The following GRM4 variants were observed in gnomAD, a reference collection of about 807,000 sequenced individuals.
GRM4 encodes metabotropic glutamate receptor 4.
GRM4 carries 28 observed loss-of-function variants against 81.7 expected under a neutral mutation model. The ratio of observed to expected loss-of-function variants is 0.34; its 90% CI spans 0.25 to 0.47. The LOEUF (loss-of-function observed/expected upper bound fraction) is 0.47. Ranked by LOEUF, GRM4 falls within the 20% of genes least tolerant of loss-of-function variation. The probability of loss-of-function intolerance (pLI) is 1.00; values close to 1 mark genes in which losing one functional copy is unlikely to be tolerated. For missense variants in GRM4, 948 were observed against 1,290.0 expected, an observed-to-expected ratio of 0.73 and a Z score of 4.06; for synonymous variants, 488 against 528.8, an observed-to-expected ratio of 0.92 and a Z score of 1.06.
chr6:34,077,299 A>G (rs34766111), intron 3 of GRM4, among the ~76,000 whole-genome samples: 1 of 151,990 alleles, frequency 6.6e-6, no homozygotes, highest in Non-Finnish European at 1.5e-5. Flanking sequence ...GCTCTCACAC[A>G]TTCTGCCCAG....
chr6:34,104,863 T>A (rs1449729591), intron 2 of GRM4, among the ~76,000 whole-genome samples: 4 of 151,866 alleles, frequency 2.6e-5, no homozygotes, highest in Non-Finnish European at 4.4e-5. Context: ...GGGAGTAACA[T>A]CCAAAAGCCC....
chr6:34,024,686 T>C, intron 10 of GRM4: 1 of 455,816 alleles, frequency 2.2e-6, no homozygotes, highest in South Asian at 1.5e-5. Flanking sequence ...TGGCCAGAGT[T>C]GGGTGGAGTC....
At chr6:34,117,555 T>C (rs1341510408) in intron 2 of GRM4, among the ~76,000 whole-genome samples, 2 of 152,164 alleles carry the variant, frequency 1.3e-5, no homozygotes, top group African/African-American at 4.8e-5. Flanking sequence ...TTCCGGGGTT[T>C]AGGGGGCTTT....
At position 34,137,561 on chromosome 6, in the gene GRM4, C is replaced by A. The variant is rs576737788; in HGVS notation, c.-363-3702G>T. On this transcript the variant is annotated intron_variant, in intron 1 of 10. Transcript: ENST00000538487. ...TTGTGCAGGAACTCCAGGAACCTGC[C>A]TTGTGGCCACTTCTAAGTCCCTTTT... Among the ~76,000 whole-genome samples the A allele has an allele frequency of 1.3e-4, 20 of 150,398 alleles. 1 individual carries two copies. The South Asian group carries it at 3.8e-3, about 29-fold the overall frequency.
rs1157540193 is a variant in GRM4 at position 34,114,596 on chromosome 6, C to A, written c.519+18382G>T. Among the ~76,000 whole-genome samples the A allele has an allele frequency of 6.6e-6, 1 of 152,104 alleles. No homozygotes were observed. The highest frequency in any genetic ancestry group is 6.5e-5 in the Admixed American group (1 of 15,280). ...CCTCTCCACTCACCCTCTGCCCAAC[C>A]CTCCTGCATGCCACATCCCTGTCAC... On this transcript the variant is annotated intron_variant, in intron 2 of 10. Transcript: ENST00000538487. This position sits in a 1 kb window ranked among gnomAD's most constrained non-coding sequence, Gnocchi z 4.3.
At chr6:34,045,237 A>G (rs9469691) in intron 6 of GRM4, among the ~76,000 whole-genome samples, 39,735 of 152,148 alleles carry the variant, frequency 0.26, 6,124 homozygotes, top group African/African-American at 0.43. Flanking sequence ...AGCTGCAACT[A>G]TGCCTGTGAC....
At chr6:34,085,756 A>G (rs772793718) in intron 3 of GRM4, among the ~76,000 whole-genome samples, 3 of 152,232 alleles carry the variant, frequency 2.0e-5, no homozygotes, top group Non-Finnish European at 4.4e-5. Flanking sequence ...ATATACAAAC[A>G]AATAAAAATG....
intron 1 of GRM4, among the ~76,000 whole-genome samples, chr6:34,144,584 C>T (rs1172057697): frequency 6.6e-6 from 1 of 152,170 alleles, no homozygotes; most frequent in Non-Finnish European, 1.5e-5. Flanking sequence ...CTGGCGAAGG[C>T]GGCGCTGGGG....
At chr6:34,058,196 G>A (rs1251972752) in intron 5 of GRM4, among the ~76,000 whole-genome samples, 1 of 152,134 alleles carries the variant, frequency 6.6e-6, no homozygotes, top group Non-Finnish European at 1.5e-5. Context: ...GGCAGGTTTG[G>A]ATGACATGGT....
Position 34,115,763 on chromosome 6 carries a change from C to A in GRM4, c.519+17215G>T, listed in dbSNP as rs1044497222. On this transcript the variant is annotated intron_variant, in intron 2 of 10. Transcript: ENST00000538487. This position sits in a 1 kb window ranked among gnomAD's most constrained non-coding sequence, Gnocchi z 4.1. ...CTGGAGGAGGAGTTCGAGGTTCTCA[C>A]CCCAGCTCTTCAGGCTCCAGGAGAA... Among the ~76,000 whole-genome samples the A allele has an allele frequency of 1.3e-5, 2 of 152,146 alleles. No individual in the cohort carries two copies. Among genetic ancestry groups the A allele is most frequent in the Admixed American group, 6.5e-5 (1 of 15,274 alleles).
intron 6 of GRM4, among the ~76,000 whole-genome samples, chr6:34,053,285 C>T (rs896902068): frequency 1.3e-5 from 2 of 152,234 alleles, no homozygotes; most frequent in Non-Finnish European, 2.9e-5. Context: ...GCTCCCAGCT[C>T]TCTGTGGGTG....
chr6:34,122,372 G>A (rs2451338), intron 2 of GRM4, among the ~76,000 whole-genome samples: 6,939 of 152,036 alleles, frequency 0.046, 385 homozygotes, highest in African/African-American at 0.13. Flanking sequence ...ACTGTGTTCC[G>A]GCTCCCCTCC....
chr6:34,063,793 C>A (rs963597363), intron 3 of GRM4, among the ~76,000 whole-genome samples: 1 of 152,178 alleles, frequency 6.6e-6, no homozygotes, highest in African/African-American at 2.4e-5. Context: ...CATATGGTTT[C>A]TTTCCACTTA....
chr6:34,064,633 G>A lies in GRM4; in HGVS notation c.737-2605C>T, dbSNP rs887603457. On this transcript the variant is annotated intron_variant, in intron 3 of 10. Coordinates refer to ENST00000538487, the MANE Select transcript of GRM4 (RefSeq NM_000841.4). This position sits in a 1 kb window ranked among gnomAD's most constrained non-coding sequence, Gnocchi z 4.4. The stretch of plus-strand genomic sequence containing the variant: ...TCACAGCCCTATTGTCAGCATGTCC[G>A]CTCAGGGGAGTGGGTAAAGGAACTG... 3.3e-5 allele frequency among the ~76,000 whole-genome samples: 5 copies of A among 152,174 alleles called. No individual in the cohort carries two copies. Among genetic ancestry groups the A allele is most frequent in the Non-Finnish European group, 2.9e-5 (2 of 68,028 alleles).
In GRM4 at chr6:34,040,321, G is replaced by T. The variant is rs1429869918; in HGVS notation, c.1370-7C>A. 1 of 1,613,450 alleles carries T rather than the reference G, an allele frequency of 6.2e-7. No homozygotes were observed. Among genetic ancestry groups the T allele is most frequent in the South Asian group, 1.1e-5 (1 of 91,076 alleles). On this transcript the variant is annotated splice_region_variant and splice_polypyrimidine_tract_variant and intron_variant, in intron 7 of 10. Transcript: ENST00000538487. ...ACAGGGTTCCCTGCGATGCCTGTAA[G>T]GGTGGGCGGGTGTCTTTGCAGAGCC...
chr6:34,140,307 CA>C (rs1275858595), intron 1 of GRM4, among the ~76,000 whole-genome samples: 2 of 144,628 alleles, frequency 1.4e-5, no homozygotes, highest in African/African-American at 2.6e-5. Flanking sequence ...CCAACGTGAC[CA>C]GGGGGCAGTG....
chr6:34,088,373 C>T (rs540015704), intron 3 of GRM4, among the ~76,000 whole-genome samples: 79 of 152,286 alleles, frequency 5.2e-4, no homozygotes, highest in Non-Finnish European at 1.0e-3. Context: ...CCGCCTGCCT[C>T]GGCCTCCCAA....
At chr6:34,037,429 G>A (rs1044523634) in intron 8 of GRM4, among the ~76,000 whole-genome samples, 2 of 152,206 alleles carry the variant, frequency 1.3e-5, no homozygotes, top group East Asian at 1.9e-4. Flanking sequence ...TATTCAAAGC[G>A]ACTGTTCTAA....
intron 3 of GRM4, among the ~76,000 whole-genome samples, chr6:34,075,731 C>G (rs1283191328): frequency 6.6e-6 from 1 of 152,166 alleles, no homozygotes; most frequent in Non-Finnish European, 1.5e-5. Context: ...ACATAAGGTG[C>G]TTAGAACAGT....
Sources: gnomAD v4.1 joint callset for allele counts (sites outside exome capture counted in the v4.1 genomes callset) on GRCh38, gnomAD v4.1.1 for gene constraint, Gnocchi (gnomAD v3.1) non-coding constraint, MANE v1.5 for transcripts, NCBI Gene and HGNC (gene_info 2026-07-23, HGNC 2026-07-21) for gene names.